The following SERPINB11 variants were observed in gnomAD, a reference collection of about 807,000 sequenced individuals.
The protein encoded by SERPINB11 is serpin family B member 11, also known as serpin B11.
Under a neutral mutation model 36.7 loss-of-function variants are expected in SERPINB11, and 32 were observed. The observed-to-expected ratio is 0.87, with a 90% CI of 0.66 to 1.17. The LOEUF (loss-of-function observed/expected upper bound fraction) is 1.17. SERPINB11 is among the 50% of genes most tolerant of loss of function. The pLI is 0.00. For missense variants in SERPINB11, 528 were observed against 458.4 expected, an observed-to-expected ratio of 1.15 and a Z score of -1.39; for synonymous variants, 174 against 168.1, an observed-to-expected ratio of 1.04 and a Z score of -0.27.
chr18:63,715,079 G>T (rs998968472), intron 4 of SERPINB11, among the ~76,000 whole-genome samples: 9 of 152,142 alleles, frequency 5.9e-5, no homozygotes, highest in African/African-American at 2.2e-4. Context: ...TCCGTTCGGG[G>T]TCCCTGACTT....
In SERPINB11 at chr18:63,720,904, T is replaced by G. The variant is rs61746419; in HGVS notation, c.692T>G (p.Met231Arg). 2 of 1,601,668 alleles carry G rather than the reference T, an allele frequency of 1.2e-6. No individual in the cohort carries two copies. The highest frequency in any genetic ancestry group is 3.4e-5 in the Admixed American group (2 of 58,478). ...FKLAFVKEPQMQVLELPYVNN... is the reference protein window; with the variant it reads ...FKLAFVKEPQRQVLELPYVNN... Reference sequence around the variant, plus strand: ...CTGGCCTTTGTAAAGGAGCCGCAGATGCAAGTTCTTGAGCTGCCCTACGTT... The same window carrying G: ...CTGGCCTTTGTAAAGGAGCCGCAGAGGCAAGTTCTTGAGCTGCCCTACGTT... Residue 231 changes from methionine (M) to arginine (R), a missense_variant, in exon 7 of 8, where the codon ATG becomes AGG. By Grantham distance (91) the Met-to-Arg change is moderately conservative. Transcript: ENST00000544088.
At chr18:63,721,768 C>T (rs775803276) in intron 7 of SERPINB11, among the ~76,000 whole-genome samples, 9 of 152,010 alleles carry the variant, frequency 5.9e-5, no homozygotes, top group Non-Finnish European at 7.4e-5. Flanking sequence ...AGGGTCAGGA[C>T]GTACGCATTT....
At chr18:63,721,968 A>G (rs1000427959) in intron 7 of SERPINB11, among the ~76,000 whole-genome samples, 6 of 152,188 alleles carry the variant, frequency 3.9e-5, no homozygotes, top group Admixed American at 2.6e-4. Context: ...GATTCTGCAG[A>G]AAGTTTTCTG....
chr18:63,719,890 T>G, intron 5 of SERPINB11, 123 bp from the exon 6 acceptor site: 1 of 705,902 alleles, frequency 1.4e-6, no homozygotes, highest in South Asian at 2.7e-5. Context: ...AAAGGAGTTC[T>G]TCTGGTATCT....
In SERPINB11 at chr18:63,723,256, G is replaced by A; in HGVS notation, c.1036G>A (p.Ala346Thr). The A allele has an allele frequency of 6.2e-7, 1 of 1,613,990 alleles. No homozygotes were observed. The highest frequency in any genetic ancestry group is 8.5e-7 in the Non-Finnish European group (1 of 1,179,872). ...YLDVSEEGTE[A>T]AAATGDSIAV... ...GGATGTCAGCGAAGAGGGCACGGAG[G>A]CAGCAGCAGCCACTGGGGACAGCAT... The change falls in exon 8 of 8, where the codon GCA becomes ACA. Residue 346 changes from alanine (A) to threonine (T), a missense_variant. Physicochemically the swap from Ala to Thr is moderately conservative, Grantham distance 58. Coordinates refer to ENST00000544088, the MANE Select transcript of SERPINB11 (RefSeq NM_001370475.1).
intron 1 of SERPINB11, among the ~76,000 whole-genome samples, chr18:63,707,256 T>C (rs186671858): frequency 6.6e-6 from 1 of 152,336 alleles, no homozygotes; most frequent in Non-Finnish European, 1.5e-5. Context: ...CAACATTTTT[T>C]AACATGCTGT....
At chr18:63,703,808 T>G (rs968941787) in intron 1 of SERPINB11, among the ~76,000 whole-genome samples, 2 of 152,220 alleles carry the variant, frequency 1.3e-5, no homozygotes, top group African/African-American at 2.4e-5. Flanking sequence ...TCAGTATCCC[T>G]TCAGATAAGA....
chr18:63,705,919 A>G (rs1017956624), intron 1 of SERPINB11: 1 of 152,246 alleles, frequency 6.6e-6, no homozygotes, highest in African/African-American at 2.4e-5. Context: ...AACTAAACAA[A>G]GGGCTGTCAA....
At chr18:63,710,584 CTAT>C (rs1914497821) in intron 2 of SERPINB11, among the ~76,000 whole-genome samples, 2 of 152,164 alleles carry the variant, frequency 1.3e-5, no homozygotes, top group Non-Finnish European at 2.9e-5. Context: ...CTCTTTTTTA[CTAT>C]CAGTGGTATC....
At chr18:63,704,336 G>T (rs951886578) in intron 1 of SERPINB11, among the ~76,000 whole-genome samples, 30 of 152,184 alleles carry the variant, frequency 2.0e-4, no homozygotes, top group African/African-American at 7.0e-4. Context: ...CCCAGATGTA[G>T]AGGGAATTGT....
chr18:63,719,977 C>T, intron 5 of SERPINB11, 36 bp from the exon 6 acceptor site: 2 of 1,543,082 alleles, frequency 1.3e-6, no homozygotes, highest in Non-Finnish European at 1.8e-6. Context: ...ATCAGGAGTT[C>T]AAATCCAAAT....
chr18:63,723,319 G>A lies in SERPINB11; in HGVS notation c.1099G>A (p.Ala367Thr), dbSNP rs1392469762. 1.7e-5 allele frequency: 28 copies of A among 1,613,768 alleles called. No individual in the cohort carries two copies. The highest frequency in any genetic ancestry group is 2.2e-5 in the Non-Finnish European group (26 of 1,179,852). ...KSLPMRAQFKANHPFLFFIRH... is the reference protein window; with the variant it reads ...KSLPMRAQFKTNHPFLFFIRH... ...CCTACCAATGAGAGCTCAGTTCAAG[G>A]CGAACCACCCCTTCCTTTTCTTTAT... The change falls in exon 8 of 8, where the codon GCG becomes ACG. Residue 367 changes from alanine (A) to threonine (T), a missense_variant. Transcript: ENST00000544088.
chr18:63,723,529 G>C lies in SERPINB11; in HGVS notation c.*130G>C. 1.3e-6 allele frequency: 1 copy of C among 785,428 alleles called. No individual in the cohort carries two copies. Among genetic ancestry groups the C allele is most frequent in the African/African-American group, 1.7e-5 (1 of 58,510 alleles). 48.7% of individuals were successfully genotyped at this position (785,428 alleles called of 1,614,324 possible). A position where few individuals can be genotyped will look rare whatever the true frequency, so the allele number is the denominator to read the frequency against. On this transcript the variant is annotated 3_prime_UTR_variant, in exon 8 of 8. Coordinates refer to ENST00000544088, the MANE Select transcript of SERPINB11 (RefSeq NM_001370475.1). ...CTCAGTTTGCTCATCTGCAAAATAGGTCTAGGATTTCTTCCAACCATTTCA... is the reference window on the plus strand; with the variant it reads ...CTCAGTTTGCTCATCTGCAAAATAGCTCTAGGATTTCTTCCAACCATTTCA...
At chr18:63,707,821 C>T (rs539442490) in intron 1 of SERPINB11, among the ~76,000 whole-genome samples, 68 of 152,220 alleles carry the variant, frequency 4.5e-4, no homozygotes, top group Middle Eastern at 3.4e-3. Context: ...AAAAACAAAA[C>T]AAAGACCTTG....
At chr18:63,705,426 C>T (rs1012004560) in intron 1 of SERPINB11, 3 of 152,140 alleles carry the variant, frequency 2.0e-5, no homozygotes, top group Admixed American at 1.3e-4. Context: ...TACAGGAGCA[C>T]ATATACATAA....
At chr18:63,708,240 G>C (rs570543727) in intron 1 of SERPINB11, among the ~76,000 whole-genome samples, 1 of 152,222 alleles carries the variant, frequency 6.6e-6, no homozygotes, top group Non-Finnish European at 1.5e-5. Context: ...TCTTCTCTGA[G>C]TAAAAGGGAA....
At chr18:63,714,092 T>G (rs1338881298) in intron 4 of SERPINB11, among the ~76,000 whole-genome samples, 1 of 152,132 alleles carries the variant, frequency 6.6e-6, no homozygotes, top group African/African-American at 2.4e-5. Context: ...TCCCTATGTG[T>G]CGGCTGGTCT....
At chr18:63,718,356 A>T (rs1004347693) in intron 5 of SERPINB11, among the ~76,000 whole-genome samples, 3 of 152,046 alleles carry the variant, frequency 2.0e-5, no homozygotes, top group Non-Finnish European at 4.4e-5. Flanking sequence ...TAGGATTTAT[A>T]TAGAATCTAT....
At chr18:63,718,346 T>C (rs1676218227) in intron 5 of SERPINB11, among the ~76,000 whole-genome samples, 1 of 152,036 alleles carries the variant, frequency 6.6e-6, no homozygotes. Flanking sequence ...GAAATGTTAA[T>C]AGGATTTATA....
Sources: allele counts gnomAD v4.1 joint callset (sites outside exome capture counted in the v4.1 genomes callset), GRCh38; gene constraint gnomAD v4.1.1; transcripts MANE v1.5; gene names NCBI Gene and HGNC (gene_info 2026-07-23, HGNC 2026-07-21).